Variants in GEMIN6 observed in about 807,000 individuals in gnomAD.
GEMIN6 encodes the protein gem-associated protein 6.
In GEMIN6, 13 loss-of-function variants were observed where a neutral mutation model predicts 14.1. The ratio of observed to expected loss-of-function variants is 0.92; its 90% CI spans 0.60 to 1.46. The LOEUF is 1.46. Ranked by LOEUF, GEMIN6 falls within the 40% of genes most tolerant of loss-of-function variation. The probability of loss-of-function intolerance (pLI) is 0.00; values close to 1 mark genes in which losing one functional copy is unlikely to be tolerated. For missense variants in GEMIN6, 271 were observed against 202.4 expected, an observed-to-expected ratio of 1.34 and a Z score of -2.06; for synonymous variants, 87 against 70.0, an observed-to-expected ratio of 1.24 and a Z score of -1.21.
At chr2:38,778,789 T>C (rs1669009175) in intron 1 of GEMIN6, among the ~76,000 whole-genome samples, 183 bp from the exon 2 acceptor site, 1 of 152,198 alleles carries the variant, frequency 6.6e-6, no homozygotes, top group Non-Finnish European at 1.5e-5. Flanking sequence ...ACACGTGTTC[T>C]TTTCCCCAAC....
In GEMIN6 at chr2:38,781,837, T is replaced by C. The variant is rs1215958194; in HGVS notation, c.449T>C (p.Ile150Thr). 2 of 1,614,002 alleles carry C rather than the reference T, an allele frequency of 1.2e-6. No individual in the cohort carries two copies. The highest frequency in any genetic ancestry group is 2.7e-5 in the African/African-American group (2 of 75,038). ...GPENCSSSNE[I>T]ILSRVQDLIE... Reference sequence around the variant, plus strand: ...GAAAATTGCAGCAGCTCTAATGAGATTATTCTGTCGCGTGTTCAGGATCTT... The same window carrying C: ...GAAAATTGCAGCAGCTCTAATGAGACTATTCTGTCGCGTGTTCAGGATCTT... Residue 150 changes from isoleucine to threonine, a missense_variant, in exon 3 of 3, where the codon ATT becomes ACT. Physicochemically the swap from Ile to Thr is moderately conservative, Grantham distance 89. Coordinates refer to ENST00000281950, the MANE Select transcript of GEMIN6 (RefSeq NM_024775.10).
At chr2:38,779,669 T>A (rs1485458220) in intron 2 of GEMIN6, among the ~76,000 whole-genome samples, 219 of 81,594 alleles carry the variant, frequency 2.7e-3, no homozygotes, top group Non-Finnish European at 4.1e-3. Context: ...TATATATTTT[T>A]TTTTTTTTTT....
chr2:38,780,561 A>G (rs953415352), intron 2 of GEMIN6, among the ~76,000 whole-genome samples: 1 of 150,356 alleles, frequency 6.7e-6, no homozygotes, highest in Non-Finnish European at 1.5e-5. Context: ...GACGGTCTCC[A>G]TTTCCTGACC....
rs1356370464 is a variant in GEMIN6, at chr2:38,784,275, TCA to T, written c.*2385_*2386del. On this transcript the variant is annotated 3_prime_UTR_variant, in exon 3 of 3. Coordinates refer to ENST00000281950, the MANE Select transcript of GEMIN6 (RefSeq NM_024775.10). ...GAAGAAGCCAGCTGGGCGCGGTGGC[TCA>T]CGCCTGTAATCCCAGCACTTTGGGA... The T allele has an allele frequency of 6.6e-6, 1 of 152,228 alleles. No individual in the cohort carries two copies. The highest frequency in any genetic ancestry group is 1.9e-4 in the East Asian group (1 of 5,172). 9.4% of individuals were successfully genotyped at this position (152,228 alleles called of 1,614,324 possible).
In GEMIN6 at chr2:38,781,763, G is replaced by T. The variant is rs1191941367; in HGVS notation, c.375G>T (p.Arg125Ser). 1.2e-6 allele frequency: 2 copies of T among 1,614,026 alleles called. No individual in the cohort carries two copies. Among genetic ancestry groups the T allele is most frequent in the Admixed American group, 1.7e-5 (1 of 59,974 alleles). The change falls in exon 3 of 3, where the codon AGG becomes AGT. Residue 125 changes from arginine (R) to serine (S), a missense_variant. By Grantham distance (110) the Arg-to-Ser change is moderately radical. Transcript: ENST00000281950. ...TCACTGAACAGGGAGACGCTCCAAG[G>T]ACTCTCTGTGTGGCTGGGGTCCTGA... Reference protein sequence around the residue: ...IPITEQGDAPRTLCVAGVLTI... With the variant: ...IPITEQGDAPSTLCVAGVLTI...
intron 2 of GEMIN6, among the ~76,000 whole-genome samples, chr2:38,779,830 T>G (rs1009193165): frequency 6.7e-6 from 1 of 149,112 alleles, no homozygotes; most frequent in African/African-American, 2.5e-5. Flanking sequence ...TACACACATG[T>G]GCCAACATGC....
chr2:38,778,651 G>C (rs890592568), intron 1 of GEMIN6, among the ~76,000 whole-genome samples: 5 of 152,130 alleles, frequency 3.3e-5, no homozygotes, highest in African/African-American at 1.2e-4. Flanking sequence ...TTGTGGATCG[G>C]AATAGACCTG....
intron 1 of GEMIN6, 96 bp downstream of exon 1, chr2:38,778,377 T>C (rs544005111): frequency 6.6e-6 from 1 of 152,316 alleles, no homozygotes; most frequent in African/African-American, 2.4e-5. Context: ...ACCAGAAATC[T>C]AAGCTCTAGA....
Position 38,781,972 on chromosome 2 carries a change from T to G in GEMIN6, c.*80T>G. 2.2e-6 allele frequency: 3 copies of G among 1,336,122 alleles called. No individual in the cohort carries two copies. The highest frequency in any genetic ancestry group is 3.1e-6 in the Non-Finnish European group (3 of 971,058). The allele number at this position is 1,336,122 out of a possible 1,614,324, so 82.8% of individuals were successfully genotyped here. A position where few individuals can be genotyped will look rare whatever the true frequency, so the allele number is the denominator to read the frequency against. Reference sequence around the variant, plus strand: ...AAAATGTTTTAAATGTAAATGTACATGACTGTGTGTGTGTATGTGTGTGTG... The same window carrying G: ...AAAATGTTTTAAATGTAAATGTACAGGACTGTGTGTGTGTATGTGTGTGTG... On this transcript the variant is annotated 3_prime_UTR_variant, in exon 3 of 3. Transcript: ENST00000281950.
chr2:38,778,867 G>A, intron 1 of GEMIN6, 105 bp from the exon 2 acceptor site: 1 of 945,414 alleles, frequency 1.1e-6, no homozygotes, highest in East Asian at 2.6e-5. Context: ...TTACGAACTT[G>A]AGGCAAATCA....
Position 38,781,919 on chromosome 2 carries a change from T to C in GEMIN6, c.*27T>C. On this transcript the variant is annotated 3_prime_UTR_variant, in exon 3 of 3. Coordinates refer to ENST00000281950, the MANE Select transcript of GEMIN6 (RefSeq NM_024775.10). Reference sequence around the variant, plus strand: ...AGGCCAGGAAGTGTGAACATACTGATAGAAAAAGACTATATTTTATCCCTC... The same window carrying C: ...AGGCCAGGAAGTGTGAACATACTGACAGAAAAAGACTATATTTTATCCCTC... The C allele has an allele frequency of 1.9e-6, 3 of 1,559,918 alleles. No homozygotes were observed. Among genetic ancestry groups the C allele is most frequent in the South Asian group, 1.2e-5 (1 of 82,534 alleles).
At chr2:38,779,266 T>C (rs764296403) in intron 2 of GEMIN6, 148 bp downstream of exon 2, 2 of 813,646 alleles carry the variant, frequency 2.5e-6, no homozygotes, top group Admixed American at 2.4e-5. Context: ...AGGGTTCTAC[T>C]GTCACCCAGG....
At chr2:38,779,639 T>C (rs1339909463) in intron 2 of GEMIN6, among the ~76,000 whole-genome samples, 1 of 27,442 alleles carries the variant, frequency 3.6e-5, no homozygotes, top group African/African-American at 1.1e-4. Flanking sequence ...ATTCTTACTA[T>C]ATATATATAT....
chr2:38,781,401 A>G (rs1474735510), intron 2 of GEMIN6, 116 bp from the exon 3 acceptor site: 1 of 1,084,232 alleles, frequency 9.2e-7, no homozygotes, highest in East Asian at 2.4e-5. Flanking sequence ...TGTTTGTTGA[A>G]TAAATGGAAG....
chr2:38,781,758 C>T lies in GEMIN6; in HGVS notation c.370C>T (p.Pro124Ser), dbSNP rs144297277. 1 of 1,614,166 alleles carries T rather than the reference C, an allele frequency of 6.2e-7. No homozygotes were observed. Among genetic ancestry groups the T allele is most frequent in the Admixed American group, 1.7e-5 (1 of 59,994 alleles). The change falls in exon 3 of 3, where the codon CCA becomes TCA. Residue 124 changes from proline to serine, a missense_variant. By Grantham distance (74) the Pro-to-Ser change is moderately conservative. Coordinates refer to ENST00000281950, the MANE Select transcript of GEMIN6 (RefSeq NM_024775.10). The stretch of plus-strand genomic sequence containing the variant: ...CCCCATCACTGAACAGGGAGACGCT[C>T]CAAGGACTCTCTGTGTGGCTGGGGT... ...HIPITEQGDA[P>S]RTLCVAGVLT...
intron 2 of GEMIN6, among the ~76,000 whole-genome samples, chr2:38,779,938 C>T (rs1220545153): frequency 6.6e-6 from 1 of 150,950 alleles, no homozygotes; most frequent in Non-Finnish European, 1.5e-5. Flanking sequence ...CCACCTTGGC[C>T]TCCCAAAGTG....
At chr2:38,779,394 C>A in intron 2 of GEMIN6, 1 of 340,464 alleles carries the variant, frequency 2.9e-6, no homozygotes, top group Non-Finnish European at 5.6e-6. Flanking sequence ...CCACGTCTGG[C>A]TAATTTTTGT....
At position 38,784,008 on chromosome 2, in the gene GEMIN6, C is replaced by G. The variant is rs951254487; in HGVS notation, c.*2116C>G. 1.3e-5 allele frequency: 2 copies of G among 152,110 alleles called. No individual in the cohort carries two copies. Among genetic ancestry groups the G allele is most frequent in the South Asian group, 4.1e-4 (2 of 4,822 alleles). 9.4% of individuals were successfully genotyped at this position (152,110 alleles called of 1,614,324 possible). The stretch of plus-strand genomic sequence containing the variant: ...ACAGACTCCCAGATAATGATGTTAC[C>G]GTTCCCAGACCACACTTGCAGAAGC... On this transcript the variant is annotated 3_prime_UTR_variant, in exon 3 of 3. Coordinates refer to ENST00000281950, the MANE Select transcript of GEMIN6 (RefSeq NM_024775.10).
intron 2 of GEMIN6, among the ~76,000 whole-genome samples, chr2:38,780,341 T>C (rs1183304578): frequency 6.7e-6 from 1 of 150,292 alleles, no homozygotes; most frequent in Admixed American, 6.6e-5. Context: ...AAGAAAAAGA[T>C]AAGGACTTTA....
Sources: allele counts gnomAD v4.1 joint callset (sites outside exome capture counted in the v4.1 genomes callset), GRCh38; gene constraint gnomAD v4.1.1; transcripts MANE v1.5; gene names NCBI Gene and HGNC (gene_info 2026-07-23, HGNC 2026-07-21).